The following VDR variants were observed in gnomAD, a reference collection of about 807,000 sequenced individuals.
VDR encodes the protein vitamin D3 receptor.
A neutral mutation model predicts 39.7 loss-of-function variants in VDR; 19 were observed. The ratio of observed to expected loss-of-function variants is 0.48; its 90% CI spans 0.33 to 0.70. The LOEUF (loss-of-function observed/expected upper bound fraction) is 0.70. VDR is among the 30% of genes least tolerant of loss of function. The pLI is 0.02. For synonymous variants in VDR, 242 were observed against 215.8 expected (o/e 1.12, Z -1.07); for missense variants, 442 against 570.5 (o/e 0.77, Z 2.29).
chr12:47,904,462 T>TAAAAAAAAAAAAAA (rs17886628), intron 1 of VDR: 91 of 360,166 alleles, frequency 2.5e-4, no homozygotes, highest in East Asian at 1.4e-3. Context: ...CAAAGAAAAG[T>TAAAAAAAAAAAAAA]AAAAAAAAAA....
rs1945195636 is a variant in VDR, at chr12:47,842,696, T to G, written c.*2050A>C. ...CATGTTGGTCAGGTTGGTCTCGAAC[T>G]CCCGACCTCAGGTGATCCACCTACC... On this transcript the variant is annotated 3_prime_UTR_variant, in exon 10 of 10. Transcript: ENST00000549336. 1 of 146,036 alleles carries G rather than the reference T, an allele frequency of 6.8e-6. No individual in the cohort carries two copies. Among genetic ancestry groups the G allele is most frequent in the Admixed American group, 7.0e-5 (1 of 14,310 alleles). 9.0% of individuals were successfully genotyped at this position (146,036 alleles called of 1,614,324 possible).
At position 47,859,914 on chromosome 12, in the gene VDR, CTTCTTTCTTTTTCTTTCTTTCT is replaced by C. The variant is rs1276107448; in HGVS notation, c.278-2248_278-2227del. On this transcript the variant is annotated intron_variant, in intron 4 of 9. Transcript: ENST00000549336. ...CCTTCCTTCCTTCCTTCCTTCCTTC[CTTCTTTCTTTTTCTTTCTTTCT>C]TTCTTTCTTTCTTTCTTTCTTTCTT... is the stretch of plus-strand genomic sequence containing the variant. Among the ~76,000 whole-genome samples the C allele has an allele frequency of 3.8e-3, 212 of 55,210 alleles. 3 individuals are homozygous for C. Among genetic ancestry groups the C allele is most frequent in the South Asian group, 6.7e-3 (10 of 1,484 alleles). The allele number at this position is 55,210 out of a possible 152,430, so 36.2% of individuals were successfully genotyped here.
Position 47,883,949 on chromosome 12 carries a change from C to T in VDR, c.-83-1175G>A, listed in dbSNP as rs564135634. ...AGATAACCTAAGCTGGGCTGGCCCA[C>T]CCCCACAAGAAGCATGGGCAGTGGG... is the stretch of plus-strand genomic sequence containing the variant. On this transcript the variant is annotated intron_variant, in intron 1 of 9. Coordinates refer to ENST00000549336, the MANE Select transcript of VDR (RefSeq NM_000376.3). Among the ~76,000 whole-genome samples, 57 of 152,378 alleles carry T rather than the reference C, an allele frequency of 3.7e-4. 1 individual carries two copies. The South Asian group carries it at 0.011, about 29-fold the overall frequency.
chr12:47,846,251 T>A, intron 9 of VDR, 84 bp downstream of exon 9: 1 of 1,175,926 alleles, frequency 8.5e-7, no homozygotes, highest in Non-Finnish European at 1.2e-6. Flanking sequence ...CCCTTCAGGT[T>A]GCCCAGCTGG....
chr12:47,871,522 A>C (rs937217432), intron 3 of VDR, among the ~76,000 whole-genome samples: 1 of 146,792 alleles, frequency 6.8e-6, no homozygotes, highest in African/African-American at 2.6e-5. Flanking sequence ...GGAGTGCAGC[A>C]GCACGATCTG....
At position 47,842,269 on chromosome 12, in the gene VDR, TCTC is replaced by T. The variant is rs1420836095; in HGVS notation, c.*2474_*2476del. 5.2e-5 allele frequency: 8 copies of T among 152,394 alleles called. No homozygotes were observed. Among genetic ancestry groups the T allele is most frequent in the African/African-American group, 1.4e-4 (6 of 41,446 alleles). The allele number at this position is 152,394 out of a possible 1,614,324, so 9.4% of individuals were successfully genotyped here. On this transcript the variant is annotated 3_prime_UTR_variant, in exon 10 of 10. Transcript: ENST00000549336. ...TGAGGCAGAGGTGAGTCTCCTTCCTTCTCCTTCTGATGGGTTGGTGGAGTTACA... is the reference window on the plus strand; with the variant it reads ...TGAGGCAGAGGTGAGTCTCCTTCCTTCTTCTGATGGGTTGGTGGAGTTACA...
In VDR at chr12:47,845,002, C is replaced by T. The variant is rs377423996; in HGVS notation, c.1028G>A (p.Arg343His). 3.7e-6 allele frequency: 6 copies of T among 1,612,074 alleles called. No individual in the cohort carries two copies. The highest frequency in any genetic ancestry group is 1.7e-5 in the Admixed American group (1 of 59,978). The change falls in exon 10 of 10, where the codon CGT (arginine) becomes CAT (histidine). Residue 343 changes from arginine to histidine, a missense_variant. Coordinates refer to ENST00000549336, the MANE Select transcript of VDR (RefSeq NM_000376.3). ...LMAICIVSPDRPGVQDAALIE... is the reference protein window; with the variant it reads ...LMAICIVSPDHPGVQDAALIE... ...CAGCGCGGCGTCCTGCACCCCAGGACGATCTGTGGGCACGGGGATAGAGAA... is the reference window on the plus strand; with the variant it reads ...CAGCGCGGCGTCCTGCACCCCAGGATGATCTGTGGGCACGGGGATAGAGAA...
Position 47,843,504 on chromosome 12 carries a change from T to C in VDR, c.*1242A>G, listed in dbSNP as rs7954412. 3,341 of 152,618 alleles carry C rather than the reference T, an allele frequency of 0.022. 138 individuals are homozygous for C. The highest frequency in any genetic ancestry group is 0.077 in the African/African-American group (3,197 of 41,524). The allele number at this position is 152,618 out of a possible 1,614,324, so 9.5% of individuals were successfully genotyped here. A position where few individuals can be genotyped will look rare whatever the true frequency, so the allele number is the denominator to read the frequency against. On this transcript the variant is annotated 3_prime_UTR_variant, in exon 10 of 10. Transcript: ENST00000549336. The stretch of plus-strand genomic sequence containing the variant: ...GACAGACGCTTCCCACCAGCTGGGC[T>C]GGGCTGGCTGCAGAGAGCATGCACT...
chr12:47,846,832 G>T, intron 7 of VDR, 24 bp from the exon 8 acceptor site: 4 of 1,605,562 alleles, frequency 2.5e-6, no homozygotes, highest in Non-Finnish European at 3.4e-6. Flanking sequence ...AGGGAAGGAG[G>T]TCAGGTTACC....
chr12:47,879,910 A>AG (rs1201317669), intron 2 of VDR, among the ~76,000 whole-genome samples: 1 of 152,178 alleles, frequency 6.6e-6, no homozygotes, highest in Admixed American at 6.5e-5. Context: ...CTTGAGGAAA[A>AG]GGAGAAGAGA....
intron 1 of VDR, among the ~76,000 whole-genome samples, chr12:47,895,695 C>T (rs1214656193): frequency 6.6e-6 from 1 of 152,210 alleles, no homozygotes; most frequent in Non-Finnish European, 1.5e-5. Flanking sequence ...TTCCCCAACA[C>T]CAACAGTGAT....
chr12:47,878,828 G>T, intron 3 of VDR, 140 bp downstream of exon 3: 1 of 1,347,988 alleles, frequency 7.4e-7, no homozygotes, highest in Non-Finnish European at 1.0e-6. Context: ...AGACCCTCCT[G>T]CTCCTGTGGC....
chr12:47,846,683 T>C lies in VDR; in HGVS notation c.881A>G (p.Lys294Arg). Residue 294 changes from lysine to arginine, a missense_variant, in exon 8 of 10, where the codon AAG (lysine) becomes AGG (arginine). Lys to Arg is a conservative substitution (Grantham distance 26). Coordinates refer to ENST00000549336, the MANE Select transcript of VDR (RefSeq NM_000376.3). The stretch of plus-strand genomic sequence containing the variant: ...TTTGGTCACGTCACTGACGCGGTAC[T>C]TGTAGTCTTGGTTGCCACAGGTCCA... ...MSWTCGNQDY[K>R]YRVSDVTKAG... 6.2e-7 allele frequency: 1 copy of C among 1,614,076 alleles called. No homozygotes were observed. Among genetic ancestry groups the C allele is most frequent in the Non-Finnish European group, 8.5e-7 (1 of 1,180,038 alleles).
intron 4 of VDR, among the ~76,000 whole-genome samples, chr12:47,863,791 A>G (rs371355241): frequency 3.3e-5 from 5 of 152,308 alleles, no homozygotes; most frequent in East Asian, 1.9e-4. Context: ...GGGAGGAGTC[A>G]TGACCCACAG....
Position 47,855,851 on chromosome 12 carries a change from G to C in VDR, c.584-50C>G, listed in dbSNP as rs1488663468. 2.5e-6 allele frequency: 4 copies of C among 1,609,480 alleles called. No individual in the cohort carries two copies. In the South Asian group the frequency reaches 4.4e-5, roughly 18 times the overall value. ...GAGCTATTTAAGGATACTTGGACCA[G>C]GCCCCCTCCTGCCAGACCCTGCAAA... On this transcript the variant is annotated intron_variant, in intron 6 of 9. Coordinates refer to ENST00000549336, the MANE Select transcript of VDR (RefSeq NM_000376.3).
chr12:47,874,511 G>A (rs1359220397), intron 3 of VDR, among the ~76,000 whole-genome samples: 1 of 152,074 alleles, frequency 6.6e-6, no homozygotes, highest in Non-Finnish European at 1.5e-5. Flanking sequence ...CCTACCTTTT[G>A]CCCCCTGCAC....
chr12:47,853,426 G>A lies in VDR; in HGVS notation c.755+2204C>T, dbSNP rs1238445816. Among the ~76,000 whole-genome samples, 10 of 138,632 alleles carry A rather than the reference G, an allele frequency of 7.2e-5. No homozygotes were observed. The Admixed American group carries it at 7.4e-4, about 10-fold the overall frequency. 90.9% of individuals were successfully genotyped at this position (138,632 alleles called of 152,430 possible). ...CCACTGCACTCCAGCCTAGGCGACA[G>A]AGCGAGACTCTGCCTCAATTAAAAA... On this transcript the variant is annotated intron_variant, in intron 7 of 9. Transcript: ENST00000549336.
At chr12:47,897,198 G>A (rs1020107211) in intron 1 of VDR, among the ~76,000 whole-genome samples, 10 of 152,186 alleles carry the variant, frequency 6.6e-5, no homozygotes, top group Non-Finnish European at 1.2e-4. Flanking sequence ...TACCAGCCTC[G>A]TAGGATTATT....
chr12:47,865,261 C>A (rs972567690), intron 3 of VDR, 84 bp from the exon 4 acceptor site: 7 of 1,586,208 alleles, frequency 4.4e-6, no homozygotes, highest in South Asian at 1.1e-5. Flanking sequence ...TCTTCTGGGC[C>A]CCCTGGTCTC....
Sources: gnomAD v4.1 joint callset for allele counts (sites outside exome capture counted in the v4.1 genomes callset) on GRCh38, gnomAD v4.1.1 for gene constraint, MANE v1.5 for transcripts, NCBI Gene and HGNC (gene_info 2026-07-23, HGNC 2026-07-21) for gene names.